Variants in CNBD1 observed in about 807,000 individuals in gnomAD.
CNBD1 encodes the protein cyclic nucleotide binding domain containing 1.
In CNBD1, 71 loss-of-function variants were observed where a neutral mutation model predicts 54.4. The observed-to-expected ratio is 1.30, with a 90% confidence interval of 1.08 to 1.59. The LOEUF (loss-of-function observed/expected upper bound fraction) is 1.59. Ranked by LOEUF, CNBD1 falls within the 40% of genes most tolerant of loss-of-function variation. The pLI, the probability that CNBD1 is intolerant of heterozygous loss-of-function variation, is 0.00. For synonymous variants in CNBD1, 182 were observed against 170.7 expected (o/e 1.07, Z -0.51); for missense variants, 659 against 518.0 (o/e 1.27, Z -2.64).
At chr8:87,248,662 C>A (rs554054929) in intron 6 of CNBD1, among the ~76,000 whole-genome samples, 2 of 152,298 alleles carry the variant, frequency 1.3e-5, no homozygotes, top group East Asian at 1.9e-4. Context: ...TGCAGTGAAT[C>A]TGCAATTTAA....
chr8:86,878,105 T>TGTGTGTGTGTGA (rs56785226), intron 1 of CNBD1, among the ~76,000 whole-genome samples: 39,847 of 139,884 alleles, frequency 0.28, 6,828 homozygotes, highest in South Asian at 0.43. Context: ...TGTGTGTGTG[T>TGTGTGTGTGTGA]GAGAGAGAGA....
intron 5 of CNBD1, among the ~76,000 whole-genome samples, chr8:87,229,465 GCT>G (rs550890633): frequency 6.0e-4 from 92 of 152,150 alleles, no homozygotes; most frequent in African/African-American, 2.2e-3. Flanking sequence ...ACCACTTTGT[GCT>G]CTGTTAGTAA....
chr8:87,320,416 C>T (rs1393297397), intron 8 of CNBD1, among the ~76,000 whole-genome samples: 4 of 151,884 alleles, frequency 2.6e-5, no homozygotes, highest in Admixed American at 2.0e-4. Context: ...TGGCTGAAAA[C>T]ATTACTGAGA....
intron 4 of CNBD1, among the ~76,000 whole-genome samples, chr8:86,982,431 A>G (rs1453988076): frequency 6.6e-6 from 1 of 152,144 alleles, no homozygotes; most frequent in Non-Finnish European, 1.5e-5. Flanking sequence ...TTAGCTCTTC[A>G]TGTAAGCCTG....
intron 2 of CNBD1, among the ~76,000 whole-genome samples, chr8:87,392,965 A>G (rs768834709): frequency 3.3e-5 from 5 of 151,988 alleles, no homozygotes; most frequent in Non-Finnish European, 2.9e-5. Flanking sequence ...TTATTTATAA[A>G]AAGAGAATTT....
chr8:87,398,472 A>T (rs1396654642), intron 2 of CNBD1, among the ~76,000 whole-genome samples: 1 of 151,954 alleles, frequency 6.6e-6, no homozygotes, highest in Admixed American at 6.6e-5. Context: ...TGCCTGTTTG[A>T]GTGGCATATG....
At chr8:87,136,952 TATTCTATGTAA>T (rs1812254016) in intron 4 of CNBD1, among the ~76,000 whole-genome samples, 1 of 83,660 alleles carries the variant, frequency 1.2e-5, no homozygotes, top group African/African-American at 5.6e-5. Flanking sequence ...ATTATATTTA[TATTCTATGTAA>T]ATTATATATA....
At chr8:86,988,018 A>T (rs1039574904) in intron 4 of CNBD1, among the ~76,000 whole-genome samples, 23 of 152,082 alleles carry the variant, frequency 1.5e-4, no homozygotes, top group African/African-American at 5.6e-4. Flanking sequence ...TAATATAATG[A>T]GCAGGAAGGA....
chr8:86,960,561 T>C (rs564620696), intron 4 of CNBD1, among the ~76,000 whole-genome samples: 1 of 152,278 alleles, frequency 6.6e-6, no homozygotes, highest in South Asian at 2.1e-4. Context: ...CTCGGGGCAG[T>C]GCATAGCTGA....
intron 4 of CNBD1, among the ~76,000 whole-genome samples, chr8:87,187,354 A>G (rs982843): frequency 0.023 from 3,531 of 152,170 alleles, 136 homozygotes; most frequent in African/African-American, 0.08. Flanking sequence ...TGATGGAAGA[A>G]TAAGAGTTTT....
Position 87,237,031 on chromosome 8 carries a change from G to A in CNBD1, c.690G>A (p.Gln230=). The part of the protein sequence containing the change: ...GSDSPDSFIS[Q]SFHSFIWSEE... ...ATTCACCAGACTCGTTCATATCTCA[G>A]AGTTTCCACAGCTTCATTTGGAGTG... is the stretch of plus-strand genomic sequence containing the variant. The change falls in exon 6 of 11, where the codon CAG becomes CAA. Residue 230 remains glutamine, a synonymous_variant. Transcript: ENST00000518476. 6.2e-7 allele frequency: 1 copy of A among 1,612,112 alleles called. No individual in the cohort carries two copies. Among genetic ancestry groups the A allele is most frequent in the Non-Finnish European group, 8.5e-7 (1 of 1,178,584 alleles).
intron 2 of CNBD1, among the ~76,000 whole-genome samples, chr8:87,393,692 A>G (rs1171766422): frequency 6.6e-6 from 1 of 151,936 alleles, no homozygotes; most frequent in African/African-American, 2.4e-5. Flanking sequence ...TTAAATGCCA[A>G]GATGAGTGGT....
At chr8:87,085,941 A>G (rs529283624) in intron 4 of CNBD1, among the ~76,000 whole-genome samples, 5 of 152,238 alleles carry the variant, frequency 3.3e-5, no homozygotes, top group South Asian at 4.1e-4. Context: ...GTCCCCACCT[A>G]CATGCTTTTA....
intron 4 of CNBD1, among the ~76,000 whole-genome samples, chr8:87,075,684 T>C (rs2130657902): frequency 6.6e-6 from 1 of 152,328 alleles, no homozygotes; most frequent in South Asian, 2.1e-4. Context: ...TCCTTGGCAA[T>C]AATCATTGTG....
intron 1 of CNBD1, among the ~76,000 whole-genome samples, chr8:86,882,716 C>T (rs1376052670): frequency 1.3e-5 from 2 of 152,128 alleles, no homozygotes; most frequent in East Asian, 3.9e-4. Context: ...AAGACACATG[C>T]ACATATATGT....
intron 8 of CNBD1, among the ~76,000 whole-genome samples, chr8:87,317,874 A>AATATTT (rs1809426192): frequency 8.4e-6 from 1 of 119,292 alleles, no homozygotes; most frequent in Non-Finnish European, 1.9e-5. Flanking sequence ...TCTCTGTTCT[A>AATATTT]ATATGTATGT....
At chr8:87,376,256 G>T (rs1354940435) in intron 10 of CNBD1, among the ~76,000 whole-genome samples, 1 of 151,826 alleles carries the variant, frequency 6.6e-6, no homozygotes, top group Non-Finnish European at 1.5e-5. Context: ...GTCCCTGGCT[G>T]ATCTGGTGTC....
chr8:87,229,643 C>T (rs13263499), intron 5 of CNBD1, among the ~76,000 whole-genome samples: 59,094 of 151,846 alleles, frequency 0.39, 13,098 homozygotes, highest in Non-Finnish European at 0.49. Context: ...TTATACTTTT[C>T]TCTGAACTCT....
intron 4 of CNBD1, among the ~76,000 whole-genome samples, chr8:87,045,130 G>A (rs1015288722): frequency 6.6e-6 from 1 of 152,162 alleles, no homozygotes; most frequent in African/African-American, 2.4e-5. Context: ...TGGTTCAAAG[G>A]TCCTTGGAAG....
Sources: gnomAD v4.1 joint callset for allele counts (sites outside exome capture counted in the v4.1 genomes callset) on GRCh38, gnomAD v4.1.1 for gene constraint, MANE v1.5 for transcripts, NCBI Gene and HGNC (gene_info 2026-07-23, HGNC 2026-07-21) for gene names.